Variants in STXBP5L observed in about 807,000 individuals in gnomAD.
The protein encoded by STXBP5L is syntaxin-binding protein 5-like.
A neutral mutation model predicts 144.5 loss-of-function variants in STXBP5L; 65 were observed. The ratio of observed to expected loss-of-function variants is 0.45; its 90% CI spans 0.37 to 0.55. The LOEUF (loss-of-function observed/expected upper bound fraction) is 0.55, where lower values mean the gene tolerates loss of function less well. Ranked by LOEUF, STXBP5L falls within the 20% of genes least tolerant of loss-of-function variation. STXBP5L has a pLI of 0.00. For synonymous variants in STXBP5L, 505 were observed against 469.6 expected, an observed-to-expected ratio of 1.08 and a Z score of -0.97; for missense variants, 1,298 against 1,405.5, an observed-to-expected ratio of 0.92 and a Z score of 1.22.
intron 5 of STXBP5L, among the ~76,000 whole-genome samples, chr3:121,073,211 A>G (rs1038093720): frequency 6.6e-6 from 1 of 152,154 alleles, no homozygotes; most frequent in Non-Finnish European, 1.5e-5. Context: ...GGGCCACACA[A>G]TGGGGCTTTC....
At chr3:121,203,572 C>T (rs1479113300) in intron 9 of STXBP5L, among the ~76,000 whole-genome samples, 2 of 152,064 alleles carry the variant, frequency 1.3e-5, no homozygotes, top group African/African-American at 4.8e-5. Context: ...GACATTTAAT[C>T]ATGTTTCAAT....
chr3:121,210,371 T>G (rs1240801911), intron 10 of STXBP5L, among the ~76,000 whole-genome samples: 1 of 152,046 alleles, frequency 6.6e-6, no homozygotes, highest in Non-Finnish European at 1.5e-5. Context: ...TTTCTCCCAT[T>G]CTGTAGGTTG....
intron 3 of STXBP5L, among the ~76,000 whole-genome samples, chr3:121,027,505 T>C (rs1002875235): frequency 2.6e-5 from 4 of 151,908 alleles, no homozygotes; most frequent in Admixed American, 1.3e-4. Context: ...GAAGAATTTG[T>C]TTTCCTTCCT....
chr3:121,282,275 G>C, intron 19 of STXBP5L: 1 of 1,611,190 alleles, frequency 6.2e-7, no homozygotes, highest in Non-Finnish European at 8.5e-7. Flanking sequence ...GACAACTTTT[G>C]CATGCGTGGC....
intron 18 of STXBP5L, among the ~76,000 whole-genome samples, chr3:121,267,899 A>G (rs1379942412): frequency 6.6e-6 from 1 of 152,204 alleles, no homozygotes; most frequent in East Asian, 1.9e-4. Flanking sequence ...TTAAAAAGTC[A>G]GGAAACAACA....
chr3:121,146,067 C>T (rs2045702203), intron 7 of STXBP5L, among the ~76,000 whole-genome samples: 1 of 152,038 alleles, frequency 6.6e-6, no homozygotes, highest in African/African-American at 2.4e-5. Context: ...TCTCCCACTT[C>T]TCTGGTTCTC....
chr3:121,093,609 A>G (rs535042362), intron 5 of STXBP5L, among the ~76,000 whole-genome samples: 13 of 152,156 alleles, frequency 8.5e-5, no homozygotes, highest in East Asian at 1.9e-4. Flanking sequence ...CTGTGGGATC[A>G]GTGGTGATAT....
intron 18 of STXBP5L, among the ~76,000 whole-genome samples, chr3:121,265,692 T>C (rs1400216384): frequency 2.6e-5 from 4 of 151,962 alleles, no homozygotes; most frequent in Non-Finnish European, 5.9e-5. Context: ...AGCTGGTTTT[T>C]TGAAAAGATT....
intron 10 of STXBP5L, among the ~76,000 whole-genome samples, chr3:121,208,576 AT>A (rs1239290706): frequency 4.6e-5 from 7 of 152,294 alleles, no homozygotes; most frequent in Middle Eastern, 3.4e-3. Context: ...ATTAATGGAA[AT>A]ATGAAATATA....
chr3:120,920,777 T>C (rs1471270864), intron 2 of STXBP5L, among the ~76,000 whole-genome samples: 1 of 151,938 alleles, frequency 6.6e-6, no homozygotes, highest in Admixed American at 6.6e-5. Context: ...TCATTTAACA[T>C]GACTTCTCAT....
intron 2 of STXBP5L, among the ~76,000 whole-genome samples, chr3:120,937,059 C>T (rs594838): frequency 0.52 from 78,208 of 151,802 alleles, 20,594 homozygotes; most frequent in Admixed American, 0.6. Flanking sequence ...GGTATTTCTT[C>T]TCTCTTCCCC....
At chr3:121,156,287 A>G (rs1448755514) in intron 8 of STXBP5L, among the ~76,000 whole-genome samples, 1 of 151,982 alleles carries the variant, frequency 6.6e-6, no homozygotes, top group African/African-American at 2.4e-5. Flanking sequence ...TCAGTTATGT[A>G]TGTGTAACTT....
At chr3:120,975,449 A>T (rs1312133790) in intron 3 of STXBP5L, among the ~76,000 whole-genome samples, 1 of 152,192 alleles carries the variant, frequency 6.6e-6, no homozygotes, top group Non-Finnish European at 1.5e-5. Flanking sequence ...TTGGGCTGAG[A>T]CAATGGGGTT....
At chr3:121,249,368 A>T (rs1449777662) in intron 14 of STXBP5L, among the ~76,000 whole-genome samples, 1 of 152,000 alleles carries the variant, frequency 6.6e-6, no homozygotes, top group Admixed American at 6.6e-5. Flanking sequence ...CCTTTTATTA[A>T]TGCCTTATTT....
At chr3:121,031,248 A>T (rs1202607480) in intron 3 of STXBP5L, among the ~76,000 whole-genome samples, 1 of 152,092 alleles carries the variant, frequency 6.6e-6, no homozygotes, top group African/African-American at 2.4e-5. Context: ...GCATTGTGGA[A>T]AATAGGTTGG....
intron 5 of STXBP5L, among the ~76,000 whole-genome samples, chr3:121,071,278 T>TTG (rs1375784029): frequency 3.9e-5 from 6 of 152,184 alleles, no homozygotes; most frequent in African/African-American, 1.4e-4. Context: ...ATAACTATGT[T>TTG]TGTACATTTA....
intron 5 of STXBP5L, among the ~76,000 whole-genome samples, chr3:121,087,589 A>G (rs1156263450): frequency 6.6e-6 from 1 of 152,052 alleles, no homozygotes; most frequent in Non-Finnish European, 1.5e-5. Flanking sequence ...TTTCTTATAG[A>G]CAAGCGTATA....
chr3:121,055,822 C>T (rs968737470), intron 5 of STXBP5L, among the ~76,000 whole-genome samples: 1 of 151,760 alleles, frequency 6.6e-6, no homozygotes, highest in Non-Finnish European at 1.5e-5. Flanking sequence ...ACCTTAGCCT[C>T]CTGAGGTGTG....
intron 3 of STXBP5L, among the ~76,000 whole-genome samples, chr3:120,983,953 A>T (rs986790827): frequency 1.3e-5 from 2 of 152,226 alleles, no homozygotes; most frequent in African/African-American, 2.4e-5. Flanking sequence ...CCTTCCAGTC[A>T]GTCTCTTAAC....
Sources: gnomAD v4.1 joint callset for allele counts (sites outside exome capture counted in the v4.1 genomes callset) on GRCh38, gnomAD v4.1.1 for gene constraint, MANE v1.5 for transcripts, NCBI Gene and HGNC (gene_info 2026-07-23, HGNC 2026-07-21) for gene names.